The following BRD4 variants were observed in gnomAD, a reference collection of about 807,000 sequenced individuals.
The protein encoded by BRD4 is bromodomain-containing protein 4.
In BRD4, 16 loss-of-function variants were observed where a neutral mutation model predicts 142.1. That is an observed-to-expected ratio of 0.11 (90% CI 0.08 to 0.17). The LOEUF is 0.17. Among genes scored for constraint, BRD4 ranks in the 10% least tolerant of loss-of-function variants. BRD4 has a pLI of 1.00. For synonymous variants in BRD4, 833 were observed against 707.5 expected (o/e 1.18, Z -2.82); for missense variants, 1,424 against 1,810.9 (o/e 0.79, Z 3.88).
chr19:15,327,917 T>TGG (rs2048122872), intron 1 of BRD4, among the ~76,000 whole-genome samples: 1 of 2,164 alleles, frequency 4.6e-4, no homozygotes, highest in Non-Finnish European at 7.2e-4. Context: ...TGGATTTCTT[T>TGG]TGGGGGGGGG....
chr19:15,265,484 G>C lies in BRD4; in HGVS notation c.719C>G (p.Thr240Arg). Residue 240 changes from threonine (T) to arginine (R), a missense_variant, in exon 5 of 20, where the codon ACA becomes AGA. Thr to Arg is a moderately conservative substitution (Grantham distance 71, BLOSUM62 -1). Transcript: ENST00000679869. ...CTGCAGTGGCTGGGGAGGCACCACT[G>C]TCATGACAGGGGTCTGGACGATGAG... ...PDLIVQTPVM[T>R]VVPPQPLQTP... The C allele has an allele frequency of 1.9e-6, 3 of 1,609,694 alleles. No individual in the cohort carries two copies. Among genetic ancestry groups the C allele is most frequent in the Non-Finnish European group, 2.5e-6 (3 of 1,177,372 alleles).
At chr19:15,281,341 T>C (rs2047702683) in intron 1 of BRD4, among the ~76,000 whole-genome samples, 1 of 152,190 alleles carries the variant, frequency 6.6e-6, no homozygotes, top group African/African-American at 2.4e-5. Context: ...CTGGCCTTGC[T>C]GCTAGGGGAG....
intron 3 of BRD4, 57 bp downstream of exon 3, chr19:15,268,848 C>A: frequency 6.3e-7 from 1 of 1,596,960 alleles, no homozygotes; most frequent in Non-Finnish European, 8.5e-7. Context: ...ATGCCCACTG[C>A]CGTCGCCTCC....
intron 1 of BRD4, among the ~76,000 whole-genome samples, chr19:15,309,419 C>T (rs572188350): frequency 1.7e-4 from 25 of 150,220 alleles, no homozygotes; most frequent in Admixed American, 6.0e-4. Context: ...AAAAGACAAA[C>T]AACAATTGTC....
At chr19:15,331,197 T>C (rs1204548436) in intron 1 of BRD4, among the ~76,000 whole-genome samples, 3 of 150,926 alleles carry the variant, frequency 2.0e-5, no homozygotes, top group African/African-American at 7.3e-5. Context: ...AAAAGGGAGG[T>C]CAGCCACCCA....
At chr19:15,270,141 G>A (rs958209101) in intron 2 of BRD4, among the ~76,000 whole-genome samples, 8 of 152,196 alleles carry the variant, frequency 5.3e-5, no homozygotes, top group Non-Finnish European at 8.8e-5. Context: ...GGAGTCCCAC[G>A]GTAGAGGCAC....
chr19:15,302,608 G>T (rs906412632), intron 1 of BRD4, among the ~76,000 whole-genome samples: 1 of 129,732 alleles, frequency 7.7e-6, no homozygotes, highest in South Asian at 2.5e-4. Flanking sequence ...GGCGGAAGTT[G>T]CAGTGAGCTG....
In BRD4 at chr19:15,332,460, G is replaced by C. The variant is rs1489006584; in HGVS notation, c.-205C>G. The C allele has an allele frequency of 6.6e-6, 1 of 151,040 alleles. No homozygotes were observed. The highest frequency in any genetic ancestry group is 2.5e-5 in the African/African-American group (1 of 40,180). The allele number at this position is 151,040 out of a possible 1,614,324, so 9.4% of individuals were successfully genotyped here. A position where few individuals can be genotyped will look rare whatever the true frequency, so the allele number is the denominator to read the frequency against. ...CGCCGCAGCCGCTGCCGCCGCCACT[G>C]CTTCGGCTCCTCGGCTGCGGGAGAC... On this transcript the variant is annotated 5_prime_UTR_variant, in exon 1 of 20. Coordinates refer to ENST00000679869, the MANE Select transcript of BRD4 (RefSeq NM_001379291.1).
At position 15,238,659 on chromosome 19, in the gene BRD4, C is replaced by T; in HGVS notation, c.4020+84G>A. ...GGACGGGGCTCCCCCGCTGCCCCTCCCTGTCCAGGCTCCAGTCCCCCTTTC... is the reference window on the plus strand; with the variant it reads ...GGACGGGGCTCCCCCGCTGCCCCTCTCTGTCCAGGCTCCAGTCCCCCTTTC... On this transcript the variant is annotated intron_variant, in intron 19 of 19. Coordinates refer to ENST00000679869, the MANE Select transcript of BRD4 (RefSeq NM_001379291.1). This position sits in a 1 kb window ranked among gnomAD's most constrained non-coding sequence, Gnocchi z 7.2. 1 of 1,458,156 alleles carries T rather than the reference C, an allele frequency of 6.9e-7. No individual in the cohort carries two copies. Among genetic ancestry groups the T allele is most frequent in the Non-Finnish European group, 9.1e-7 (1 of 1,104,328 alleles). The allele number at this position is 1,458,156 out of a possible 1,614,324, so 90.3% of individuals were successfully genotyped here.
chr19:15,318,420 T>TGAATAGGA lies in BRD4; in HGVS notation c.-35+13869_-35+13870insTCCTATTC, dbSNP rs1318268914. On this transcript the variant is annotated intron_variant, in intron 1 of 19. Transcript: ENST00000679869. ...TTCAAGTTTATGGTATTATATTTCC[T>TGAATAGGA]ATTCCTTCCACCAGACAAGGATGTG... Among the ~76,000 whole-genome samples, 104 of 152,358 alleles carry TGAATAGGA rather than the reference T, an allele frequency of 6.8e-4. No homozygotes were observed. The East Asian group carries it at 0.017, about 25-fold the overall frequency.
rs772226713 is a variant in BRD4 at position 15,242,949 on chromosome 19, G to C, written c.3120C>G (p.Ile1040Met). 2.6e-6 allele frequency: 4 copies of C among 1,538,994 alleles called. No individual in the cohort carries two copies. Among genetic ancestry groups the C allele is most frequent in the South Asian group, 1.1e-5 (1 of 88,618 alleles). Residue 1040 changes from isoleucine (I) to methionine (M), a missense_variant, in exon 14 of 20, where the codon ATC becomes ATG. This residue lies in a region of BRD4 where 598 missense variants were observed against 647.8 expected (regional missense o/e 0.92). Transcript: ENST00000679869. Reference sequence around the variant, plus strand: ...GGTGCCGGGGTGAATGGTGGTGCTGGATGACTTGCTGAGGCTTGGCAGGCT... The same window carrying C: ...GGTGCCGGGGTGAATGGTGGTGCTGCATGACTTGCTGAGGCTTGGCAGGCT... ...PPQPAKPQQV[I>M]QHHHSPRHHK...
intron 11 of BRD4, among the ~76,000 whole-genome samples, chr19:15,250,792 G>A (rs1405977195): frequency 6.6e-6 from 1 of 152,166 alleles, no homozygotes; most frequent in Non-Finnish European, 1.5e-5. Context: ...AGATTCCTAG[G>A]ACATGCCCTG....
chr19:15,273,447 G>A (rs1335624938), intron 1 of BRD4, among the ~76,000 whole-genome samples: 2 of 152,222 alleles, frequency 1.3e-5, no homozygotes, highest in African/African-American at 4.8e-5. Context: ...ATGAAGCCAC[G>A]TCTCACAAAC....
Position 15,239,652 on chromosome 19 carries a change from C to A in BRD4, c.3445+7G>T, listed in dbSNP as rs370451418. The A allele has an allele frequency of 3.8e-6, 6 of 1,573,104 alleles. No homozygotes were observed. The highest frequency in any genetic ancestry group is 1.1e-5 in the South Asian group (1 of 87,512). ...GAGCCCTGGCTGTGGGCAGGGAGAG[C>A]ACTCACGCTGGGGCAGGTGGACGGG... is the stretch of plus-strand genomic sequence containing the variant. On this transcript the variant is annotated splice_region_variant and intron_variant, in intron 16 of 19. Transcript: ENST00000679869. This position sits in a 1 kb window ranked among gnomAD's most constrained non-coding sequence, Gnocchi z 7.4.
chr19:15,330,780 A>G (rs945514006), intron 1 of BRD4, among the ~76,000 whole-genome samples: 1 of 152,200 alleles, frequency 6.6e-6, no homozygotes, highest in Non-Finnish European at 1.5e-5. Context: ...GTATATGTAT[A>G]TATTGGCAAG....
rs1271153299 is a variant in BRD4, at chr19:15,239,854, T to A, written c.3283-33A>T. The stretch of plus-strand genomic sequence containing the variant: ...GGCACAGGCACAGCGGCCGGTGAGG[T>A]GGGCAGGCACCCCCGGCCCTAGCCC... On this transcript the variant is annotated intron_variant, in intron 15 of 19. Coordinates refer to ENST00000679869, the MANE Select transcript of BRD4 (RefSeq NM_001379291.1). The surrounding 1 kb of genome is among the most constrained non-coding windows in gnomAD (Gnocchi z 7.4). 1.2e-6 allele frequency: 2 copies of A among 1,613,360 alleles called. No individual in the cohort carries two copies. The highest frequency in any genetic ancestry group is 1.7e-5 in the Admixed American group (1 of 59,958).
chr19:15,240,768 A>G (rs2047232211), intron 14 of BRD4, among the ~76,000 whole-genome samples: 2 of 152,114 alleles, frequency 1.3e-5, no homozygotes, highest in African/African-American at 4.8e-5. Flanking sequence ...GCTGAGTCCT[A>G]CCCATCCAAC....
intron 6 of BRD4, 98 bp downstream of exon 6, chr19:15,264,306 G>A (rs1234781358): frequency 2.7e-6 from 4 of 1,469,354 alleles, no homozygotes; most frequent in East Asian, 4.6e-5. Context: ...ACCGTTCCAG[G>A]GCCTGGGCTT....
chr19:15,296,051 C>G (rs531231465), intron 1 of BRD4, among the ~76,000 whole-genome samples: 1 of 152,280 alleles, frequency 6.6e-6, no homozygotes, highest in South Asian at 2.1e-4. Flanking sequence ...GCCAGGAGAT[C>G]AAGACCATCC....
Sources: allele counts gnomAD v4.1 joint callset (sites outside exome capture counted in the v4.1 genomes callset), GRCh38; gene constraint gnomAD v4.1.1; regional missense constraint gnomAD v4.1.1; non-coding constraint Gnocchi (gnomAD v3.1); transcripts MANE v1.5; gene names NCBI Gene and HGNC (gene_info 2026-07-23, HGNC 2026-07-21).